TSHZ3: variants seen among roughly 807,000 people sequenced by gnomAD.
TSHZ3 encodes teashirt zinc finger homeobox 3.
In TSHZ3, 10 loss-of-function variants were observed where a neutral mutation model predicts 64.5. That is an observed-to-expected ratio of 0.16 (90% CI 0.10 to 0.26). TSHZ3 has a LOEUF of 0.26. TSHZ3 is among the 10% of genes least tolerant of loss of function. TSHZ3 has a pLI of 1.00. For synonymous variants in TSHZ3, 608 were observed against 593.1 expected, an observed-to-expected ratio of 1.03 and a Z score of -0.36; for missense variants, 1,242 against 1,421.7, an observed-to-expected ratio of 0.87 and a Z score of 2.03.
intron 5 of TSHZ3, among the ~76,000 whole-genome samples, chr19:31,180,331 C>T (rs1398566607): frequency 6.6e-6 from 1 of 152,176 alleles, no homozygotes; most frequent in East Asian, 1.9e-4. Flanking sequence ...TTCTACAGAG[C>T]CTGGCCCACC....
At chr19:31,316,570 G>A (rs1916607018) in intron 1 of TSHZ3, among the ~76,000 whole-genome samples, 2 of 152,200 alleles carry the variant, frequency 1.3e-5, no homozygotes, top group South Asian at 4.1e-4. Flanking sequence ...AAACAGCCTG[G>A]GCTGGGGAAA....
At chr19:31,167,288 C>T (rs763559074) in intron 5 of TSHZ3, among the ~76,000 whole-genome samples, 2 of 152,214 alleles carry the variant, frequency 1.3e-5, no homozygotes, top group African/African-American at 4.8e-5. Flanking sequence ...TTGTATTTCT[C>T]TTTCAAAATC....
intron 1 of TSHZ3, among the ~76,000 whole-genome samples, chr19:31,286,996 T>C (rs528346628): frequency 6.6e-6 from 1 of 152,306 alleles, no homozygotes; most frequent in East Asian, 1.9e-4. Flanking sequence ...CATATAAATA[T>C]AAAACAGTAA....
intron 5 of TSHZ3, among the ~76,000 whole-genome samples, chr19:31,162,692 G>T (rs963628640): frequency 6.6e-6 from 1 of 152,132 alleles, no homozygotes; most frequent in Admixed American, 6.6e-5. Context: ...AACAAGTGCT[G>T]TGAAATGTCT....
At chr19:31,200,062 C>A (rs1305442525) in intron 5 of TSHZ3, among the ~76,000 whole-genome samples, 2 of 151,980 alleles carry the variant, frequency 1.3e-5, no homozygotes, top group African/African-American at 4.8e-5. Context: ...GTAACACTGA[C>A]AACACCAAAT....
intron 5 of TSHZ3, among the ~76,000 whole-genome samples, chr19:31,178,003 T>G (rs1339255610): frequency 6.6e-6 from 1 of 152,142 alleles, no homozygotes; most frequent in African/African-American, 2.4e-5. Context: ...TGGCTGCAAG[T>G]GTAGACAATG....
intron 5 of TSHZ3, among the ~76,000 whole-genome samples, chr19:31,160,464 T>G (rs1974361523): frequency 6.6e-6 from 1 of 152,350 alleles, no homozygotes; most frequent in East Asian, 1.9e-4. Flanking sequence ...GAATTTCCCC[T>G]GGATACTCTG....
intron 4 of TSHZ3, chr19:31,207,492 A>C (rs1439893990): frequency 1.3e-5 from 2 of 152,092 alleles, no homozygotes; most frequent in African/African-American, 4.8e-5. Context: ...TTCTCTCTTA[A>C]TTCCAGGGGC....
chr19:31,202,291 G>A (rs972085110), intron 5 of TSHZ3, among the ~76,000 whole-genome samples: 2 of 151,916 alleles, frequency 1.3e-5, no homozygotes, highest in Non-Finnish European at 2.9e-5. Context: ...CAACACCAAA[G>A]CATATAAAAT....
At chr19:31,245,837 C>A (rs534379156) in intron 1 of TSHZ3, among the ~76,000 whole-genome samples, 2 of 152,224 alleles carry the variant, frequency 1.3e-5, no homozygotes, top group East Asian at 1.9e-4. Flanking sequence ...GGTAGTGTGG[C>A]CCCCAGTGCA....
At chr19:31,260,057 T>C (rs1192834976) in intron 1 of TSHZ3, among the ~76,000 whole-genome samples, 4 of 152,172 alleles carry the variant, frequency 2.6e-5, no homozygotes, top group Admixed American at 2.6e-4. Context: ...CTGTGCTGAT[T>C]GTCCAGGTTA....
At position 31,278,338 on chromosome 19, in the gene TSHZ3, A is replaced by C; in HGVS notation, c.1455T>G (p.Pro485=). ...CTTCGCCAGGCTTGTCTTTTTGCTT[A>C]GGTTTCTCGTCAGTGACCGCTTTCT... ...DKEKAVTDEK[P]KQKDKPGEEE... is the part of the protein sequence containing the mutation. Residue 485 remains proline (P), a synonymous_variant, in exon 2 of 2, where the codon CCT becomes CCG. Transcript: ENST00000240587. The surrounding 1 kb of genome is among the most constrained non-coding windows in gnomAD (Gnocchi z 4.7). The C allele has an allele frequency of 6.2e-7, 1 of 1,614,154 alleles. No individual in the cohort carries two copies. Among genetic ancestry groups the C allele is most frequent in the South Asian group, 1.1e-5 (1 of 91,074 alleles).
At position 31,232,102 on chromosome 19, in the gene TSHZ3, C is replaced by T. The variant is rs572287479; in HGVS notation, n.551-3962G>A. Among the ~76,000 whole-genome samples the T allele has an allele frequency of 3.9e-5, 6 of 152,208 alleles. No individual in the cohort carries two copies. The South Asian group carries it at 1.0e-3, about 26-fold the overall frequency. ...CCAAGGGAGCCAAAGCAGGTTGCCTCCTGCCCCTGAGCTAGAGCCAGCTAA... is the reference window on the plus strand; with the variant it reads ...CCAAGGGAGCCAAAGCAGGTTGCCTTCTGCCCCTGAGCTAGAGCCAGCTAA... On this transcript the variant is annotated intron_variant and non_coding_transcript_variant, in intron 3 of 6. Transcript: ENST00000651361.
chr19:31,278,836 G>A lies in TSHZ3; in HGVS notation c.957C>T (p.Ala319=). The change falls in exon 2 of 2, where the codon GCC becomes GCT. Residue 319 remains alanine, a synonymous_variant. Coordinates refer to ENST00000240587, the MANE Select transcript of TSHZ3 (RefSeq NM_020856.4). This position sits in a 1 kb window ranked among gnomAD's most constrained non-coding sequence, Gnocchi z 4.7. The part of the protein sequence containing the change: ...VTPVAAKIIP[A]TRKKASLELE... ...GCTCCAGGGAAGCTTTCTTCCGAGT[G>A]GCAGGGATGATTTTGGCGGCGACAG... 6.2e-7 allele frequency: 1 copy of A among 1,614,176 alleles called. No homozygotes were observed. Among genetic ancestry groups the A allele is most frequent in the South Asian group, 1.1e-5 (1 of 91,084 alleles).
intron 1 of TSHZ3, among the ~76,000 whole-genome samples, chr19:31,346,140 G>A (rs1313194536): frequency 2.6e-5 from 4 of 152,152 alleles, no homozygotes; most frequent in African/African-American, 9.7e-5. Flanking sequence ...AGCCTGCTTC[G>A]GCCTTCGGGA....
At chr19:31,263,424 G>A (rs901849874) in intron 1 of TSHZ3, among the ~76,000 whole-genome samples, 4 of 136,264 alleles carry the variant, frequency 2.9e-5, no homozygotes, top group Admixed American at 7.4e-5. Flanking sequence ...TCATAACCTC[G>A]CCACCCGCTG....
chr19:31,339,484 G>T (rs1458137097), intron 1 of TSHZ3, among the ~76,000 whole-genome samples: 3 of 152,032 alleles, frequency 2.0e-5, no homozygotes, highest in Admixed American at 2.0e-4. Flanking sequence ...AAGCCACAGG[G>T]TACAGTACCA....
Position 31,275,364 on chromosome 19 carries a change from A to G in TSHZ3, c.*1183T>C, listed in dbSNP as rs1976209066. ...ATCACAGAATGCCTCATGACTTTTAAGCAAAGTATTACAGTACAAACATTT... is the reference window on the plus strand; with the variant it reads ...ATCACAGAATGCCTCATGACTTTTAGGCAAAGTATTACAGTACAAACATTT... On this transcript the variant is annotated 3_prime_UTR_variant, in exon 2 of 2. Coordinates refer to ENST00000240587, the MANE Select transcript of TSHZ3 (RefSeq NM_020856.4). 6.6e-6 allele frequency: 1 copy of G among 152,638 alleles called. No homozygotes were observed. The highest frequency in any genetic ancestry group is 6.5e-5 in the Admixed American group (1 of 15,288). 9.5% of individuals were successfully genotyped at this position (152,638 alleles called of 1,614,324 possible).
intron 4 of TSHZ3, among the ~76,000 whole-genome samples, chr19:31,211,681 G>A (rs558439098): frequency 6.6e-6 from 1 of 152,334 alleles, no homozygotes; most frequent in South Asian, 2.1e-4. Context: ...GGCAAAGCCA[G>A]CCCAGGCCAG....
Sources: gnomAD v4.1 joint callset for allele counts (sites outside exome capture counted in the v4.1 genomes callset) on GRCh38, gnomAD v4.1.1 for gene constraint, Gnocchi (gnomAD v3.1) non-coding constraint, MANE v1.5 for transcripts, NCBI Gene and HGNC (gene_info 2026-07-23, HGNC 2026-07-21) for gene names.